The following UHRF2 variants were observed in gnomAD, a reference collection of about 807,000 sequenced individuals.
UHRF2 encodes the protein ubiquitin like with PHD and ring finger domains 2, also known as E3 ubiquitin-protein ligase UHRF2.
UHRF2 carries 23 observed loss-of-function variants against 96.8 expected under a neutral mutation model. The ratio of observed to expected loss-of-function variants is 0.24; its 90% confidence interval spans 0.17 to 0.34. The LOEUF (loss-of-function observed/expected upper bound fraction) is 0.34, where lower values mean the gene tolerates loss of function less well. Among genes scored for constraint, UHRF2 ranks in the 10% least tolerant of loss-of-function variants. The pLI is 1.00. For missense variants in UHRF2, 685 were observed against 981.5 expected (o/e 0.70, Z 4.04); for synonymous variants, 385 against 332.6 (o/e 1.16, Z -1.72).
intron 3 of UHRF2, 47 bp downstream of exon 3, chr9:6,434,220 G>A (rs1820706751): frequency 6.4e-7 from 1 of 1,551,194 alleles, no homozygotes; most frequent in Middle Eastern, 1.8e-4. Context: ...TTCATTTGTA[G>A]AAACCAAAGC....
At chr9:6,450,381 A>T (rs1026956060) in intron 3 of UHRF2, among the ~76,000 whole-genome samples, 2 of 140,864 alleles carry the variant, frequency 1.4e-5, no homozygotes, top group Admixed American at 1.6e-4. Flanking sequence ...TACTGATCAC[A>T]TTCCTGTAGT....
Position 6,493,944 on chromosome 9 carries a change from GACACTGT to G in UHRF2, c.1604+13_1604+19del. ...ACAAACATGAACAGGTACTACTATA[GACACTGT>G]TTAGAATTTGAACATTGAATAAAAG... On this transcript the variant is annotated intron_variant, in intron 10 of 15. Coordinates refer to ENST00000276893, the MANE Select transcript of UHRF2 (RefSeq NM_152896.3). 1 of 1,608,696 alleles carries G rather than the reference GACACTGT, an allele frequency of 6.2e-7. No homozygotes were observed. Among genetic ancestry groups the G allele is most frequent in the Non-Finnish European group, 8.5e-7 (1 of 1,176,170 alleles).
intron 15 of UHRF2, 74 bp from the exon 16 acceptor site, chr9:6,505,959 T>A: frequency 2.0e-6 from 3 of 1,521,986 alleles, no homozygotes; most frequent in Non-Finnish European, 2.7e-6. Flanking sequence ...TGGTTCCTAT[T>A]TAAAAGCATA....
chr9:6,499,746 C>T (rs950983006), intron 12 of UHRF2, 89 bp from the exon 13 acceptor site: 1 of 747,098 alleles, frequency 1.3e-6, no homozygotes. Context: ...TAGTCTTCCC[C>T]TCCCTTTTAA....
chr9:6,458,448 T>C (rs1411198915), intron 3 of UHRF2, among the ~76,000 whole-genome samples: 1 of 150,466 alleles, frequency 6.6e-6, no homozygotes, highest in African/African-American at 2.4e-5. Context: ...AGCTCCTGGA[T>C]TGTTGATTTT....
chr9:6,418,179 A>G (rs1056717690), intron 1 of UHRF2, among the ~76,000 whole-genome samples: 2 of 149,940 alleles, frequency 1.3e-5, no homozygotes, highest in Non-Finnish European at 3.0e-5. Context: ...TGTCAAAATG[A>G]TGGTGTGAAT....
In UHRF2 at chr9:6,460,568, C is replaced by G; in HGVS notation, c.645-5C>G. The G allele has an allele frequency of 6.3e-7, 1 of 1,594,602 alleles. No individual in the cohort carries two copies. The highest frequency in any genetic ancestry group is 8.6e-7 in the Non-Finnish European group (1 of 1,167,692). On this transcript the variant is annotated splice_region_variant and splice_polypyrimidine_tract_variant and intron_variant, in intron 3 of 15. Coordinates refer to ENST00000276893, the MANE Select transcript of UHRF2 (RefSeq NM_152896.3). ...CATAAGCCATATGGTTTTCTCTCTC[C>G]TCAGATACCCAGAAAGCGGTACTCT...
chr9:6,418,551 A>G (rs1819745621), intron 1 of UHRF2, among the ~76,000 whole-genome samples: 1 of 152,160 alleles, frequency 6.6e-6, no homozygotes, highest in African/African-American at 2.4e-5. Context: ...TAAATTCAGG[A>G]CATACTTTTA....
At chr9:6,463,778 AT>A (rs34102086) in intron 4 of UHRF2, among the ~76,000 whole-genome samples, 2 of 148,968 alleles carry the variant, frequency 1.3e-5, no homozygotes, top group African/African-American at 2.5e-5. Context: ...GAGAAAAAAA[AT>A]TTTTTTTTTT....
intron 3 of UHRF2, among the ~76,000 whole-genome samples, chr9:6,444,853 C>T (rs985628099): frequency 1.3e-5 from 2 of 152,112 alleles, no homozygotes; most frequent in African/African-American, 2.4e-5. Context: ...TGACCTGCCC[C>T]GGCCTCCCAA....
intron 4 of UHRF2, among the ~76,000 whole-genome samples, chr9:6,469,657 G>GGTGT (rs34918540): frequency 0.05 from 7,330 of 148,004 alleles, 589 homozygotes; most frequent in African/African-American, 0.17. Context: ...CTTGATGAAA[G>GGTGT]GTGTGTGTGT....
intron 3 of UHRF2, among the ~76,000 whole-genome samples, chr9:6,458,567 G>A (rs1225983808): frequency 6.6e-6 from 1 of 151,580 alleles, no homozygotes; most frequent in East Asian, 1.9e-4. Flanking sequence ...TGCTTCTCTA[G>A]TTCTTTTAAT....
intron 3 of UHRF2, among the ~76,000 whole-genome samples, chr9:6,458,471 G>A (rs1216805326): frequency 6.7e-6 from 1 of 148,596 alleles, no homozygotes; most frequent in Non-Finnish European, 1.5e-5. Flanking sequence ...TTTTTTTGAA[G>A]GGTTTTTCAT....
chr9:6,429,815 G>C lies in UHRF2; in HGVS notation c.385-4099G>C, dbSNP rs114467332. Among the ~76,000 whole-genome samples, 959 of 152,292 alleles carry C rather than the reference G, an allele frequency of 6.3e-3. 13 individuals carry two copies. The highest frequency in any genetic ancestry group is 0.022 in the African/African-American group (899 of 41,552). On this transcript the variant is annotated intron_variant, in intron 2 of 15. Transcript: ENST00000276893. ...AACTTGTTCATGGTTACACTTAGTG[G>C]GTGATAGATGAAGAACTTGAACCTA...
chr9:6,443,192 G>A lies in UHRF2; in HGVS notation c.644+9019G>A, dbSNP rs150984562. On this transcript the variant is annotated intron_variant, in intron 3 of 15. Transcript: ENST00000276893. ...GGCAAGTTGCAGTCTTTAACTGTGG[G>A]CAAATGATCGCCAGGAGCCTTTTCA... Among the ~76,000 whole-genome samples, 179 of 152,254 alleles carry A rather than the reference G, an allele frequency of 1.2e-3. No homozygotes were observed. The East Asian group carries it at 0.026, about 22-fold the overall frequency.
At chr9:6,481,322 T>C (rs1459202276) in intron 6 of UHRF2, among the ~76,000 whole-genome samples, 4 of 152,196 alleles carry the variant, frequency 2.6e-5, no homozygotes, top group Admixed American at 2.0e-4. Flanking sequence ...TTTGTTTTAA[T>C]GACAGGAACT....
At chr9:6,466,037 C>G (rs1822838044) in intron 4 of UHRF2, among the ~76,000 whole-genome samples, 1 of 152,100 alleles carries the variant, frequency 6.6e-6, no homozygotes, top group East Asian at 1.9e-4. Flanking sequence ...TGAAGTTATG[C>G]TGATTTAGAT....
intron 3 of UHRF2, among the ~76,000 whole-genome samples, chr9:6,443,658 TC>T (rs1279260273): frequency 2.0e-5 from 3 of 152,220 alleles, no homozygotes; most frequent in African/African-American, 7.2e-5. Flanking sequence ...TGTATGTACT[TC>T]TCTGTGGGGG....
At chr9:6,483,265 C>T (rs1824035306) in intron 8 of UHRF2, among the ~76,000 whole-genome samples, 1 of 143,324 alleles carries the variant, frequency 7.0e-6, no homozygotes, top group South Asian at 2.2e-4. Flanking sequence ...GCAGAGGTTG[C>T]AGTGAGCCGA....
Sources: allele counts gnomAD v4.1 joint callset (sites outside exome capture counted in the v4.1 genomes callset), GRCh38; gene constraint gnomAD v4.1.1; transcripts MANE v1.5; gene names NCBI Gene and HGNC (gene_info 2026-07-23, HGNC 2026-07-21).